Variants in RANBP17 observed in about 807,000 individuals in gnomAD.
The protein encoded by RANBP17 is ran-binding protein 17.
RANBP17 carries 158 observed loss-of-function variants against 141.2 expected under a neutral mutation model. That is an observed-to-expected ratio of 1.12 (90% CI 0.98 to 1.28). The LOEUF (loss-of-function observed/expected upper bound fraction) is 1.28. Ranked by LOEUF, RANBP17 falls within the 50% of genes most tolerant of loss-of-function variation. The pLI is 0.00. For synonymous variants in RANBP17, 430 were observed against 450.0 expected (o/e 0.96, Z 0.56); for missense variants, 1,438 against 1,290.7 (o/e 1.11, Z -1.75).
At chr5:171,242,942 GATTATA>G in intron 24 of RANBP17, 122 bp downstream of exon 24, 1 of 874,352 alleles carries the variant, frequency 1.1e-6, no homozygotes, top group Non-Finnish European at 1.8e-6. Context: ...CAAACTGAAA[GATTATA>G]ATTATTACTT....
chr5:170,920,937 G>A (rs533366181), intron 11 of RANBP17, among the ~76,000 whole-genome samples: 10 of 152,084 alleles, frequency 6.6e-5, no homozygotes, highest in African/African-American at 2.4e-4. Flanking sequence ...TTTTTGATGG[G>A]GTTGTTTTTT....
chr5:171,240,364 A>G (rs915232037), intron 22 of RANBP17, among the ~76,000 whole-genome samples: 4 of 152,202 alleles, frequency 2.6e-5, no homozygotes, highest in Admixed American at 2.6e-4. Context: ...AGAAGGATCT[A>G]AGAAGAAAAA....
chr5:171,263,638 C>T (rs893657016), intron 24 of RANBP17, among the ~76,000 whole-genome samples: 1 of 152,190 alleles, frequency 6.6e-6, no homozygotes, highest in African/African-American at 2.4e-5. Context: ...CTCTGTTGGC[C>T]TTCTCTTACA....
At chr5:171,252,324 G>T in intron 24 of RANBP17, 1 of 1,544,492 alleles carries the variant, frequency 6.5e-7, no homozygotes, top group Non-Finnish European at 8.9e-7. Flanking sequence ...ACCCAATGCG[G>T]GTTCATGAGA....
At chr5:171,004,157 G>A (rs1006506766) in intron 14 of RANBP17, among the ~76,000 whole-genome samples, 9 of 152,034 alleles carry the variant, frequency 5.9e-5, no homozygotes, top group Non-Finnish European at 1.0e-4. Flanking sequence ...GTGGGGTAAG[G>A]GTGATTAGGT....
At chr5:171,005,614 C>A (rs1322791196) in intron 14 of RANBP17, among the ~76,000 whole-genome samples, 6 of 152,172 alleles carry the variant, frequency 3.9e-5, no homozygotes, top group East Asian at 1.9e-4. Flanking sequence ...TAAAGACTTA[C>A]ATGTTAGACC....
At chr5:171,041,766 T>C (rs530008643) in intron 14 of RANBP17, among the ~76,000 whole-genome samples, 49 of 152,298 alleles carry the variant, frequency 3.2e-4, no homozygotes, top group African/African-American at 1.1e-3. Flanking sequence ...AGTTCTGGGA[T>C]ACATGTGCAA....
At chr5:171,189,083 T>C (rs1761460146) in intron 18 of RANBP17, among the ~76,000 whole-genome samples, 1 of 152,140 alleles carries the variant, frequency 6.6e-6, no homozygotes, top group African/African-American at 2.4e-5. Flanking sequence ...TAAATGTAAA[T>C]ATCTGTTGCA....
intron 8 of RANBP17, among the ~76,000 whole-genome samples, chr5:170,915,964 C>A (rs188791861): frequency 8.5e-5 from 13 of 152,102 alleles, no homozygotes; most frequent in African/African-American, 2.6e-4. Context: ...GGAATACATA[C>A]AAATAGGAAT....
chr5:171,252,758 T>G, intron 24 of RANBP17: 1 of 1,351,816 alleles, frequency 7.4e-7, no homozygotes, highest in Non-Finnish European at 1.1e-6. Context: ...ATTTGTAGAC[T>G]TGCTTCATAT....
chr5:171,096,945 A>G (rs911354776), intron 14 of RANBP17, among the ~76,000 whole-genome samples: 2 of 151,780 alleles, frequency 1.3e-5, no homozygotes, highest in African/African-American at 4.9e-5. Context: ...AAGAAGGATT[A>G]TAATGGTTTT....
intron 14 of RANBP17, among the ~76,000 whole-genome samples, chr5:171,102,302 G>A (rs1018033165): frequency 6.6e-6 from 1 of 151,774 alleles, no homozygotes; most frequent in African/African-American, 2.4e-5. Flanking sequence ...TTTTCATTCT[G>A]TTTTCTCTAA....
At chr5:170,956,551 C>T (rs1775713153) in intron 13 of RANBP17, among the ~76,000 whole-genome samples, 1 of 151,674 alleles carries the variant, frequency 6.6e-6, no homozygotes, top group African/African-American at 2.4e-5. Flanking sequence ...TTCAACCAAA[C>T]AAAAAATTTG....
rs1354856015 is a variant in RANBP17 at position 170,862,062 on chromosome 5, T to C, written c.18+11T>C. 6.9e-7 allele frequency: 1 copy of C among 1,454,516 alleles called. No individual in the cohort carries two copies. The highest frequency in any genetic ancestry group is 9.0e-7 in the Non-Finnish European group (1 of 1,110,104). The allele number at this position is 1,454,516 out of a possible 1,614,324, so 90.1% of individuals were successfully genotyped here. A position where few individuals can be genotyped will look rare whatever the true frequency, so the allele number is the denominator to read the frequency against. On this transcript the variant is annotated intron_variant, in intron 1 of 27. Coordinates refer to ENST00000523189, the MANE Select transcript of RANBP17 (RefSeq NM_022897.5). ...GCGCTGCACTTCCAGGTCAGTGTGC[T>C]CTGCGCCGCGGGCCCGCGCTCCGCC...
At chr5:171,052,570 C>T (rs944533537) in intron 14 of RANBP17, among the ~76,000 whole-genome samples, 1 of 152,080 alleles carries the variant, frequency 6.6e-6, no homozygotes, top group African/African-American at 2.4e-5. Context: ...CAATTTTGTT[C>T]CTTTGTTCTG....
At chr5:171,272,780 A>C (rs1016859012) in intron 25 of RANBP17, among the ~76,000 whole-genome samples, 1 of 152,186 alleles carries the variant, frequency 6.6e-6, no homozygotes, top group Non-Finnish European at 1.5e-5. Context: ...GCATTATACT[A>C]CAGCCAGGAC....
intron 2 of RANBP17, among the ~76,000 whole-genome samples, chr5:170,879,181 G>A (rs1332546925): frequency 6.6e-6 from 1 of 152,048 alleles, no homozygotes; most frequent in East Asian, 1.9e-4. Flanking sequence ...TTTTCACATA[G>A]ATAGGTACTG....
At chr5:170,974,017 G>A (rs1253464644) in intron 14 of RANBP17, among the ~76,000 whole-genome samples, 2 of 152,136 alleles carry the variant, frequency 1.3e-5, no homozygotes, top group Non-Finnish European at 2.9e-5. Context: ...TCAGACCATA[G>A]CATTTCACAT....
chr5:171,037,086 G>T (rs1267735465), intron 14 of RANBP17, among the ~76,000 whole-genome samples: 1 of 151,876 alleles, frequency 6.6e-6, no homozygotes, highest in African/African-American at 2.4e-5. Flanking sequence ...TATCTCTGCA[G>T]CTTTGCCAGC....
Sources: allele counts gnomAD v4.1 joint callset (sites outside exome capture counted in the v4.1 genomes callset), GRCh38; gene constraint gnomAD v4.1.1; transcripts MANE v1.5; gene names NCBI Gene and HGNC (gene_info 2026-07-23, HGNC 2026-07-21).